The following IL1RL2 variants were observed in gnomAD, a reference collection of about 807,000 sequenced individuals.
IL1RL2 encodes the protein interleukin-1 receptor-like 2.
Under a neutral mutation model 66.8 loss-of-function variants are expected in IL1RL2, and 68 were observed. The observed-to-expected ratio is 1.02, with a 90% CI of 0.84 to 1.25. The LOEUF is 1.25. Ranked by LOEUF, IL1RL2 falls within the 50% of genes most tolerant of loss-of-function variation. IL1RL2 has a pLI of 0.00. For missense variants in IL1RL2, 729 were observed against 709.3 expected, an observed-to-expected ratio of 1.03 and a Z score of -0.32; for synonymous variants, 305 against 264.6, an observed-to-expected ratio of 1.15 and a Z score of -1.48.
chr2:102,193,253 A>G (rs1157902758), intron 4 of IL1RL2, among the ~76,000 whole-genome samples: 1 of 152,192 alleles, frequency 6.6e-6, no homozygotes, highest in Non-Finnish European at 1.5e-5. Context: ...ATTTTAAGGC[A>G]CGTTTGCCAG....
intron 6 of IL1RL2, among the ~76,000 whole-genome samples, chr2:102,212,504 G>A (rs916786093): frequency 6.6e-6 from 1 of 152,116 alleles, no homozygotes; most frequent in African/African-American, 2.4e-5. Context: ...ATTAAATAAT[G>A]TTGACCAGGA....
intron 9 of IL1RL2, among the ~76,000 whole-genome samples, chr2:102,226,828 T>C (rs1578183487): frequency 6.6e-6 from 1 of 152,138 alleles, no homozygotes; most frequent in Non-Finnish European, 1.5e-5. Context: ...AAAGGGACAG[T>C]GATTAAATCC....
rs1422162609 is a variant in IL1RL2 at position 102,187,853 on chromosome 2, C to T, written c.-12-3C>T. On this transcript the variant is annotated splice_region_variant and splice_polypyrimidine_tract_variant and intron_variant, in intron 1 of 11. Transcript: ENST00000264257. ...CTCCCACCCTCTTCTCCCTTCCTTG[C>T]AGCCCGGTTTGGGGATGTGGTCCTT... 2 of 1,612,972 alleles carry T rather than the reference C, an allele frequency of 1.2e-6. No individual in the cohort carries two copies. Among genetic ancestry groups the T allele is most frequent in the Non-Finnish European group, 8.5e-7 (1 of 1,179,296 alleles).
At chr2:102,188,432 A>T (rs180727312) in intron 2 of IL1RL2, among the ~76,000 whole-genome samples, 10 of 151,914 alleles carry the variant, frequency 6.6e-5, no homozygotes, top group East Asian at 1.9e-4. Flanking sequence ...AAAATACATT[A>T]AAAAAATTAG....
intron 4 of IL1RL2, among the ~76,000 whole-genome samples, chr2:102,195,748 C>T (rs1286246005): frequency 1.4e-5 from 2 of 143,346 alleles, no homozygotes; most frequent in African/African-American, 2.6e-5. Flanking sequence ...GAGTCTCAGT[C>T]TCTCTCCTAG....
chr2:102,190,530 C>A (rs1425561354), intron 3 of IL1RL2, among the ~76,000 whole-genome samples: 1 of 152,220 alleles, frequency 6.6e-6, no homozygotes, highest in Non-Finnish European at 1.5e-5. Flanking sequence ...CCCAGCATGG[C>A]CCCTGTCCCA....
chr2:102,222,703 T>C (rs572666131), intron 8 of IL1RL2, among the ~76,000 whole-genome samples: 2 of 152,192 alleles, frequency 1.3e-5, no homozygotes, highest in Non-Finnish European at 2.9e-5. Flanking sequence ...GTTGAAAACC[T>C]GTTTTCACCC....
At chr2:102,222,415 TA>T (rs1690220774) in intron 8 of IL1RL2, among the ~76,000 whole-genome samples, 1 of 152,198 alleles carries the variant, frequency 6.6e-6, no homozygotes, top group Admixed American at 6.5e-5. Flanking sequence ...AGTTGCCAGG[TA>T]AGAGTCTGTC....
intron 10 of IL1RL2, among the ~76,000 whole-genome samples, chr2:102,234,658 G>A (rs753146322): frequency 3.9e-5 from 6 of 152,146 alleles, no homozygotes; most frequent in Non-Finnish European, 7.4e-5. Context: ...GTGGTGGTAC[G>A]TGTCTGTAAT....
chr2:102,201,297 C>T (rs1382340027), intron 4 of IL1RL2, among the ~76,000 whole-genome samples: 1 of 152,120 alleles, frequency 6.6e-6, no homozygotes, highest in East Asian at 1.9e-4. Context: ...TTTGTCAAAT[C>T]TGTGTATATC....
intron 9 of IL1RL2, among the ~76,000 whole-genome samples, chr2:102,228,088 C>T (rs896684821): frequency 5.3e-5 from 8 of 152,188 alleles, no homozygotes; most frequent in African/African-American, 9.7e-5. Flanking sequence ...GGCTAACAGG[C>T]AGCCAGGGGT....
intron 4 of IL1RL2, among the ~76,000 whole-genome samples, chr2:102,197,678 C>T (rs952797617): frequency 6.6e-6 from 1 of 152,222 alleles, no homozygotes; most frequent in Non-Finnish European, 1.5e-5. Context: ...GATCTTCCTG[C>T]TCTTTCTGCT....
chr2:102,194,147 C>G (rs1687463968), intron 4 of IL1RL2, among the ~76,000 whole-genome samples: 1 of 152,136 alleles, frequency 6.6e-6, no homozygotes, highest in South Asian at 2.1e-4. Flanking sequence ...TCCCTAGTCC[C>G]CCAAATAACC....
At chr2:102,238,638 A>G (rs974075493) in intron 11 of IL1RL2, among the ~76,000 whole-genome samples, 5 of 152,196 alleles carry the variant, frequency 3.3e-5, no homozygotes, top group Non-Finnish European at 5.9e-5. Flanking sequence ...GGGGCTGTGT[A>G]AAGTGGAAAA....
intron 1 of IL1RL2, 95 bp downstream of exon 1, chr2:102,187,181 C>A: frequency 8.1e-7 from 1 of 1,239,956 alleles, no homozygotes; most frequent in Non-Finnish European, 1.1e-6. Flanking sequence ...ACAATGTGTG[C>A]CACCGCAGGC....
Position 102,235,195 on chromosome 2 carries a change from G to T in IL1RL2, c.1596G>T (p.Val532=), listed in dbSNP as rs1559566833. ...TGAAGACCAAGTTTTGGAAGACAGT[G>T]AGATACCACATGCCGCCCAGAAGGT... ...QCMKTKFWKT[V]RYHMPPRRCR... Residue 532 remains valine, a synonymous_variant, in exon 11 of 12, where the codon GTG becomes GTT. Transcript: ENST00000264257. 1 of 1,614,228 alleles carries T rather than the reference G, an allele frequency of 6.2e-7. No homozygotes were observed. Among genetic ancestry groups the T allele is most frequent in the Non-Finnish European group, 8.5e-7 (1 of 1,180,050 alleles).
chr2:102,207,472 C>T (rs1458716321), intron 5 of IL1RL2, among the ~76,000 whole-genome samples: 1 of 152,134 alleles, frequency 6.6e-6, no homozygotes, highest in African/African-American at 2.4e-5. Flanking sequence ...GCTGCAAGGA[C>T]TGAATCCTTT....
intron 6 of IL1RL2, among the ~76,000 whole-genome samples, chr2:102,214,749 A>G (rs922457563): frequency 6.6e-6 from 1 of 152,200 alleles, no homozygotes; most frequent in African/African-American, 2.4e-5. Context: ...GAATAGAAGA[A>G]AAAAGAGCCA....
Position 102,192,009 on chromosome 2 carries a change from A to G in IL1RL2, c.378A>G (p.Pro126=). The change falls in exon 4 of 12, where the codon CCA becomes CCG. Residue 126 remains proline, a synonymous_variant. Transcript: ENST00000264257. Reference sequence around the variant, plus strand: ...GTGACACTTCCATAGGTGGTTTACCAAATTTATCAGATGAGTACAAGCAAA... The same window carrying G: ...GTGACACTTCCATAGGTGGTTTACCGAATTTATCAGATGAGTACAAGCAAA... ...HWCDTSIGGL[P]NLSDEYKQIL... is the part of the protein sequence containing the mutation. The G allele has an allele frequency of 6.2e-7, 1 of 1,613,074 alleles. No individual in the cohort carries two copies. Among genetic ancestry groups the G allele is most frequent in the South Asian group, 1.1e-5 (1 of 90,872 alleles).
Sources: gnomAD v4.1 joint callset for allele counts (sites outside exome capture counted in the v4.1 genomes callset) on GRCh38, gnomAD v4.1.1 for gene constraint, MANE v1.5 for transcripts, NCBI Gene and HGNC (gene_info 2026-07-23, HGNC 2026-07-21) for gene names.